The following DCC variants were observed in gnomAD, a reference collection of about 807,000 sequenced individuals.
DCC encodes netrin receptor DCC.
A neutral mutation model predicts 172.5 loss-of-function variants in DCC; 58 were observed. That is an observed-to-expected ratio of 0.34 (90% confidence interval 0.27 to 0.42). The LOEUF is 0.42. Ranked by LOEUF, DCC falls within the 10% of genes least tolerant of loss-of-function variation. The pLI is 1.00. For synonymous variants in DCC, 709 were observed against 644.5 expected (o/e 1.10, Z -1.52); for missense variants, 1,740 against 1,791.0 (o/e 0.97, Z 0.51).
chr18:52,417,571 C>A (rs1415472403), intron 1 of DCC, among the ~76,000 whole-genome samples: 1 of 152,100 alleles, frequency 6.6e-6, no homozygotes, highest in Non-Finnish European at 1.5e-5. Flanking sequence ...TTGTTTGTTT[C>A]TTTTTATTCT....
chr18:53,207,858 T>C, intron 11 of DCC, 41 bp downstream of exon 11: 2 of 1,541,306 alleles, frequency 1.3e-6, no homozygotes, highest in Non-Finnish European at 1.8e-6. Flanking sequence ...ATATTTGACA[T>C]AATATTGACA....
At chr18:52,373,292 A>G (rs949880271) in intron 1 of DCC, among the ~76,000 whole-genome samples, 2 of 152,114 alleles carry the variant, frequency 1.3e-5, no homozygotes, top group Admixed American at 6.6e-5. Context: ...GTGACCAACA[A>G]TGAATCTGAG....
chr18:53,292,676 C>G lies in DCC; in HGVS notation c.1912-12902C>G, dbSNP rs566660460. On this transcript the variant is annotated intron_variant, in intron 12 of 28. Transcript: ENST00000442544. Reference sequence around the variant, plus strand: ...TGCACTCCAGCCTGGGTGACAAGAGCGAAACTCCGTCTCAAAACAAAAACA... The same window carrying G: ...TGCACTCCAGCCTGGGTGACAAGAGGGAAACTCCGTCTCAAAACAAAAACA... 2.6e-5 allele frequency among the ~76,000 whole-genome samples: 4 copies of G among 152,154 alleles called. No homozygotes were observed. In the South Asian group the frequency reaches 8.3e-4, roughly 32 times the overall value.
chr18:52,791,496 A>G (rs560405120), intron 2 of DCC, among the ~76,000 whole-genome samples: 1 of 151,820 alleles, frequency 6.6e-6, no homozygotes, highest in East Asian at 1.9e-4. Context: ...TTTTTCCTAA[A>G]TGGTTCCTGG....
chr18:52,957,467 G>A (rs940332652), intron 5 of DCC, among the ~76,000 whole-genome samples: 1 of 152,100 alleles, frequency 6.6e-6, no homozygotes, highest in African/African-American at 2.4e-5. Flanking sequence ...AGATGCAAGA[G>A]AAGAGTGTTT....
At chr18:53,142,227 G>C (rs2144351996) in intron 7 of DCC, among the ~76,000 whole-genome samples, 1 of 152,348 alleles carries the variant, frequency 6.6e-6, no homozygotes, top group South Asian at 2.1e-4. Context: ...GCGTCAGCAT[G>C]AATCATAAAT....
intron 1 of DCC, among the ~76,000 whole-genome samples, chr18:52,522,271 T>G (rs2031842894): frequency 6.6e-6 from 1 of 152,130 alleles, no homozygotes; most frequent in East Asian, 1.9e-4. Flanking sequence ...TCAAATAAAT[T>G]TTTACAGGCA....
chr18:53,201,801 A>G (rs1432962899), intron 9 of DCC, among the ~76,000 whole-genome samples: 2 of 152,144 alleles, frequency 1.3e-5, no homozygotes, highest in African/African-American at 4.8e-5. Flanking sequence ...TTTTTCATAG[A>G]AAAAGTATTT....
In DCC at chr18:53,173,666, A is replaced by C. The variant is rs559832548; in HGVS notation, c.1419-5296A>C. 1.8e-3 allele frequency among the ~76,000 whole-genome samples: 269 copies of C among 151,830 alleles called. 1 individual carries two copies. Among genetic ancestry groups the C allele is most frequent in the African/African-American group, 3.9e-3 (163 of 41,384 alleles). On this transcript the variant is annotated intron_variant, in intron 8 of 28. Coordinates refer to ENST00000442544, the MANE Select transcript of DCC (RefSeq NM_005215.4). ...TATATGCACCCAATACAGGAGCACC[A>C]AGATTCATAAAGCAAGTCCTGAGTG...
intron 1 of DCC, among the ~76,000 whole-genome samples, chr18:52,628,037 C>A (rs1334900350): frequency 6.6e-6 from 1 of 152,128 alleles, no homozygotes; most frequent in Admixed American, 6.5e-5. Context: ...ATTTGATGTG[C>A]TTTTATGACT....
intron 11 of DCC, among the ~76,000 whole-genome samples, chr18:53,213,553 C>G (rs991832496): frequency 2.1e-5 from 3 of 142,416 alleles, no homozygotes; most frequent in South Asian, 2.2e-4. Flanking sequence ...GAGGCTGAGG[C>G]AGGAGAATGG....
chr18:52,651,561 T>C (rs2035132199), intron 1 of DCC, among the ~76,000 whole-genome samples: 1 of 152,064 alleles, frequency 6.6e-6, no homozygotes, highest in African/African-American at 2.4e-5. Context: ...CTTAAATGTA[T>C]GTGTTTGAAG....
At chr18:52,824,548 TAG>T (rs1383433302) in intron 2 of DCC, among the ~76,000 whole-genome samples, 8 of 152,084 alleles carry the variant, frequency 5.3e-5, no homozygotes, top group Non-Finnish European at 1.0e-4. Flanking sequence ...AAAAAAAAAT[TAG>T]AGAATTTCTC....
intron 1 of DCC, among the ~76,000 whole-genome samples, chr18:52,561,302 A>G (rs1183579579): frequency 1.3e-5 from 2 of 151,508 alleles, no homozygotes; most frequent in African/African-American, 4.8e-5. Context: ...GTGTATGTGT[A>G]TATAGGCAGA....
At chr18:52,726,869 A>C (rs36047975) in intron 1 of DCC, among the ~76,000 whole-genome samples, 77,282 of 152,058 alleles carry the variant, frequency 0.51, 20,098 homozygotes, top group South Asian at 0.61. Flanking sequence ...AGTGAGTAGC[A>C]GATTTAGAAA....
intron 1 of DCC, among the ~76,000 whole-genome samples, chr18:52,512,758 G>C (rs953112034): frequency 2.6e-5 from 4 of 152,000 alleles, no homozygotes; most frequent in African/African-American, 9.7e-5. Flanking sequence ...AATGCTGGGG[G>C]GAAAAAAGAA....
At chr18:53,370,185 G>A (rs748031029) in intron 15 of DCC, among the ~76,000 whole-genome samples, 130 of 151,740 alleles carry the variant, frequency 8.6e-4, no homozygotes, top group Non-Finnish European at 1.6e-3. Context: ...TTGGTTGGTA[G>A]TATGTTTGTA....
chr18:53,446,482 C>T (rs149303634), intron 22 of DCC, among the ~76,000 whole-genome samples: 4 of 152,290 alleles, frequency 2.6e-5, no homozygotes, highest in African/African-American at 9.6e-5. Context: ...TCACTTGCCC[C>T]TTCTGGAGCC....
chr18:53,042,073 G>C (rs1031079056), intron 5 of DCC, among the ~76,000 whole-genome samples: 1 of 151,996 alleles, frequency 6.6e-6, no homozygotes, highest in South Asian at 2.1e-4. Context: ...GGGCCTCCTT[G>C]TCTTGTGCTG....
Sources: gnomAD v4.1 joint callset for allele counts (sites outside exome capture counted in the v4.1 genomes callset) on GRCh38, gnomAD v4.1.1 for gene constraint, MANE v1.5 for transcripts, NCBI Gene and HGNC (gene_info 2026-07-23, HGNC 2026-07-21) for gene names.